The following NRG1 variants were observed in gnomAD, a reference collection of about 807,000 sequenced individuals.
NRG1 encodes the protein neuregulin 1.
NRG1 carries 18 observed loss-of-function variants against 63.8 expected under a neutral mutation model. The ratio of observed to expected loss-of-function variants is 0.28; its 90% confidence interval spans 0.19 to 0.42. The LOEUF is 0.42. NRG1 is among the 10% of genes least tolerant of loss of function. NRG1 has a pLI of 1.00. For missense variants in NRG1, 762 were observed against 814.7 expected (o/e 0.94, Z 0.79); for synonymous variants, 302 against 301.3 (o/e 1.00, Z -0.02).
intron 5 of NRG1, among the ~76,000 whole-genome samples, chr8:32,631,553 ATTTC>A (rs1456573689): frequency 6.6e-6 from 1 of 152,164 alleles, no homozygotes; most frequent in Non-Finnish European, 1.5e-5. Context: ...TTTAGTAGGC[ATTTC>A]TTTGTTAGTC....
rs987492215 is a variant in NRG1 at position 32,206,715 on chromosome 8, C to T, written c.38-389113C>T. On this transcript the variant is annotated intron_variant, in intron 1 of 10. Coordinates refer to the NRG1 transcript ENST00000519301. ...GATGTATTGTGTAATGGTGAAGTCTCGGCTTTTTGTGTAGCCATCACCTGA... is the reference window on the plus strand; with the variant it reads ...GATGTATTGTGTAATGGTGAAGTCTTGGCTTTTTGTGTAGCCATCACCTGA... Among the ~76,000 whole-genome samples, 6 of 152,086 alleles carry T rather than the reference C, an allele frequency of 3.9e-5. No individual in the cohort carries two copies. In the South Asian group the frequency reaches 6.2e-4, roughly 16 times the overall value.
At chr8:31,652,604 C>A (rs562759326) in intron 1 of NRG1, among the ~76,000 whole-genome samples, 11 of 152,184 alleles carry the variant, frequency 7.2e-5, no homozygotes, top group Non-Finnish European at 1.5e-4. Context: ...ATATTGTTCT[C>A]TTTTCCCAGA....
At chr8:32,378,661 C>A (rs1262739384) in intron 1 of NRG1, among the ~76,000 whole-genome samples, 1 of 152,108 alleles carries the variant, frequency 6.6e-6, no homozygotes, top group Non-Finnish European at 1.5e-5. Context: ...GGTACATGTG[C>A]ACAACGTGCA....
rs114137251 is a variant in NRG1 at position 31,656,914 on chromosome 8, A to T, written c.37+17483A>T. On this transcript the variant is annotated intron_variant, in intron 1 of 10. Coordinates refer to the NRG1 transcript ENST00000519301. ...CTAATTTAGAAAAATATTTGAGTCA[A>T]AAGGTCCTTGAACCATGTATTAGGT... 1.8e-3 allele frequency among the ~76,000 whole-genome samples: 270 copies of T among 152,338 alleles called. 2 individuals carry two copies. Among genetic ancestry groups the T allele is most frequent in the African/African-American group, 6.1e-3 (253 of 41,578 alleles).
intron 1 of NRG1, among the ~76,000 whole-genome samples, chr8:31,905,934 GT>G (rs1832485123): frequency 6.6e-6 from 1 of 152,162 alleles, no homozygotes; most frequent in Admixed American, 6.5e-5. Flanking sequence ...ATGTTAAATG[GT>G]TTAAATGATA....
chr8:32,748,690 G>C (rs1304438073), intron 7 of NRG1: 1 of 456,376 alleles, frequency 2.2e-6, no homozygotes, highest in East Asian at 7.0e-5. Flanking sequence ...CAGCATTCTG[G>C]AGAAGTGATT....
chr8:32,558,689 A>G (rs1226675016), intron 1 of NRG1, among the ~76,000 whole-genome samples: 1 of 152,084 alleles, frequency 6.6e-6, no homozygotes, highest in Non-Finnish European at 1.5e-5. Flanking sequence ...GTTACTCTTG[A>G]CCTTAATGCA....
At chr8:32,536,274 T>G (rs192030610) in intron 1 of NRG1, among the ~76,000 whole-genome samples, 9 of 152,292 alleles carry the variant, frequency 5.9e-5, no homozygotes, top group Non-Finnish European at 7.4e-5. Context: ...TCGTTGTAGC[T>G]GTAGGACTGA....
chr8:32,394,714 T>C (rs1812221997), intron 1 of NRG1, among the ~76,000 whole-genome samples: 1 of 152,170 alleles, frequency 6.6e-6, no homozygotes, highest in African/African-American at 2.4e-5. Flanking sequence ...CTACCCTCTT[T>C]GTTCTCCTTC....
intron 1 of NRG1, among the ~76,000 whole-genome samples, chr8:32,278,616 C>T (rs768357156): frequency 6.6e-6 from 1 of 152,196 alleles, no homozygotes; most frequent in Non-Finnish European, 1.5e-5. Flanking sequence ...GAGATCTACC[C>T]TTTGCCTTTG....
intron 1 of NRG1, among the ~76,000 whole-genome samples, chr8:32,377,661 C>T (rs1379419791): frequency 6.6e-5 from 10 of 152,158 alleles, no homozygotes; most frequent in African/African-American, 2.2e-4. Context: ...TTCCAGTGTG[C>T]TTTCCAGAGT....
intron 5 of NRG1, among the ~76,000 whole-genome samples, chr8:32,621,485 G>A (rs2129542549): frequency 6.6e-6 from 1 of 152,268 alleles, no homozygotes. Flanking sequence ...CCAGCTGCTG[G>A]TAGCCCCATT....
chr8:31,878,494 C>T (rs1830097516), intron 1 of NRG1, among the ~76,000 whole-genome samples: 2 of 152,150 alleles, frequency 1.3e-5, no homozygotes, highest in African/African-American at 4.8e-5. Context: ...GCTACATCTT[C>T]TAGTACAAGT....
intron 1 of NRG1, among the ~76,000 whole-genome samples, chr8:31,830,510 A>C (rs1331178051): frequency 6.6e-6 from 1 of 152,166 alleles, no homozygotes; most frequent in East Asian, 1.9e-4. Flanking sequence ...TAAACTAACC[A>C]GTGAAGATGA....
intron 1 of NRG1, among the ~76,000 whole-genome samples, chr8:31,676,710 A>C (rs1351549929): frequency 6.6e-6 from 1 of 152,234 alleles, no homozygotes; most frequent in East Asian, 1.9e-4. Flanking sequence ...TGGAATCAGC[A>C]GCCAGGTTTC....
intron 1 of NRG1, among the ~76,000 whole-genome samples, chr8:32,479,357 A>C (rs1472825590): frequency 6.6e-6 from 1 of 152,032 alleles, no homozygotes; most frequent in Non-Finnish European, 1.5e-5. Context: ...GGTGCCTGTA[A>C]TCCCAGCTAG....
chr8:31,802,015 G>C (rs1472687656), intron 1 of NRG1, among the ~76,000 whole-genome samples: 2 of 152,160 alleles, frequency 1.3e-5, no homozygotes, highest in African/African-American at 4.8e-5. Context: ...TAACTTCCAG[G>C]AAAGCTCTTG....
chr8:32,011,900 T>C (rs1358847247), intron 1 of NRG1, among the ~76,000 whole-genome samples: 1 of 152,150 alleles, frequency 6.6e-6, no homozygotes, highest in African/African-American at 2.4e-5. Context: ...AATTAAACCC[T>C]GACAGTCAGT....
At chr8:31,667,920 AG>A (rs1201545909) in intron 1 of NRG1, among the ~76,000 whole-genome samples, 1 of 152,176 alleles carries the variant, frequency 6.6e-6, no homozygotes, top group Non-Finnish European at 1.5e-5. Context: ...TGAAAAAGTG[AG>A]GTCCATATCT....
Sources: gnomAD v4.1 joint callset for allele counts (sites outside exome capture counted in the v4.1 genomes callset) on GRCh38, gnomAD v4.1.1 for gene constraint, MANE v1.5 for transcripts, NCBI Gene and HGNC (gene_info 2026-07-23, HGNC 2026-07-21) for gene names.